Variants in CNTN3 observed in about 807,000 individuals in gnomAD.
CNTN3 encodes contactin 3, also known as contactin-3.
Under a neutral mutation model 119.1 loss-of-function variants are expected in CNTN3, and 60 were observed. That is an observed-to-expected ratio of 0.50 (90% CI 0.41 to 0.62). The LOEUF (loss-of-function observed/expected upper bound fraction) is 0.62. Ranked by LOEUF, CNTN3 falls within the 20% of genes least tolerant of loss-of-function variation. CNTN3 has a pLI of 0.00. For missense variants in CNTN3, 1,101 were observed against 1,242.4 expected (o/e 0.89, Z 1.71); for synonymous variants, 450 against 438.7 (o/e 1.03, Z -0.32).
At chr3:74,444,558 A>AT (rs10718040) in intron 4 of CNTN3, among the ~76,000 whole-genome samples, 97 of 151,332 alleles carry the variant, frequency 6.4e-4, no homozygotes, top group Non-Finnish European at 1.0e-3. Flanking sequence ...TCATGACATA[A>AT]TTTTTTTTTA....
chr3:74,290,504 C>T (rs150855575), intron 19 of CNTN3, among the ~76,000 whole-genome samples: 89 of 152,296 alleles, frequency 5.8e-4, no homozygotes, highest in African/African-American at 2.1e-3. Context: ...ACTGCTAGCA[C>T]TCTGTTCGGT....
chr3:74,545,280 T>C (rs1703898515), intron 1 of CNTN3, among the ~76,000 whole-genome samples: 1 of 152,220 alleles, frequency 6.6e-6, no homozygotes, highest in African/African-American at 2.4e-5. Context: ...CAATCTCTGG[T>C]GGGATGCCAA....
intron 4 of CNTN3, among the ~76,000 whole-genome samples, chr3:74,480,910 A>G (rs1049030084): frequency 4.6e-5 from 7 of 151,962 alleles, no homozygotes; most frequent in Non-Finnish European, 7.4e-5. Context: ...AGTAGGATGT[A>G]TAACATCCAG....
intron 5 of CNTN3, among the ~76,000 whole-genome samples, chr3:74,371,912 G>T (rs1251233440): frequency 6.6e-6 from 1 of 151,934 alleles, no homozygotes; most frequent in East Asian, 1.9e-4. Context: ...CTGCTTCTGG[G>T]GCCTACAACT....
chr3:74,274,992 T>C (rs943339934), intron 20 of CNTN3, among the ~76,000 whole-genome samples: 1 of 152,036 alleles, frequency 6.6e-6, no homozygotes, highest in African/African-American at 2.4e-5. Context: ...TGGACACATA[T>C]ATAGAAATGC....
chr3:74,330,413 G>C (rs1024549130), intron 13 of CNTN3, among the ~76,000 whole-genome samples: 6 of 151,706 alleles, frequency 4.0e-5, no homozygotes, highest in Non-Finnish European at 8.8e-5. Context: ...TAATATTACA[G>C]CACAATGCCT....
At chr3:74,515,669 G>A (rs1206299602) in intron 2 of CNTN3, among the ~76,000 whole-genome samples, 1 of 152,016 alleles carries the variant, frequency 6.6e-6, no homozygotes, top group African/African-American at 2.4e-5. Context: ...TATCTACACT[G>A]TGAATGAAAT....
chr3:74,269,061 C>CA (rs1184956646), intron 20 of CNTN3, among the ~76,000 whole-genome samples: 46 of 134,710 alleles, frequency 3.4e-4, no homozygotes, highest in Admixed American at 1.4e-3. Flanking sequence ...AAAAAAAAAA[C>CA]AAAAAAAAAG....
chr3:74,515,340 T>G (rs1267589930), intron 2 of CNTN3, among the ~76,000 whole-genome samples: 2 of 152,074 alleles, frequency 1.3e-5, no homozygotes, highest in African/African-American at 4.8e-5. Flanking sequence ...ATTACTTGTA[T>G]GCAAGCTTCA....
chr3:74,315,097 T>G (rs1474114542), intron 13 of CNTN3, among the ~76,000 whole-genome samples: 1 of 152,172 alleles, frequency 6.6e-6, no homozygotes, highest in Non-Finnish European at 1.5e-5. Context: ...TATACCCTAA[T>G]TATAATGCAT....
chr3:74,570,923 A>G (rs1173573798), intron 1 of CNTN3, among the ~76,000 whole-genome samples: 1 of 152,202 alleles, frequency 6.6e-6, no homozygotes, highest in Non-Finnish European at 1.5e-5. Context: ...TCAACTCCTA[A>G]GGGGATTTAA....
intron 11 of CNTN3, among the ~76,000 whole-genome samples, chr3:74,348,684 G>T (rs1703749627): frequency 6.6e-6 from 1 of 152,176 alleles, no homozygotes. Flanking sequence ...TGCAGCCACA[G>T]GAGACACACT....
chr3:74,335,842 T>A (rs990381153), intron 12 of CNTN3, among the ~76,000 whole-genome samples: 5 of 152,154 alleles, frequency 3.3e-5, no homozygotes, highest in Non-Finnish European at 5.9e-5. Flanking sequence ...TTCATGTCCA[T>A]GAAATCTTTT....
intron 13 of CNTN3, among the ~76,000 whole-genome samples, chr3:74,321,757 G>C (rs1232522104): frequency 6.6e-6 from 1 of 152,096 alleles, no homozygotes; most frequent in Non-Finnish European, 1.5e-5. Flanking sequence ...AAAAAATTAT[G>C]AACAATGCTA....
At position 74,289,526 on chromosome 3, in the gene CNTN3, A is replaced by G. The variant is rs1702182457; in HGVS notation, c.2518-4035T>C. On this transcript the variant is annotated intron_variant, in intron 19 of 22. Transcript: ENST00000263665. ...TCCCACACTGGGATTGTGCTACATC[A>G]CTATATATTACTTCACTGGTTTGCT... Among the ~76,000 whole-genome samples, 3 of 152,234 alleles carry G rather than the reference A, an allele frequency of 2.0e-5. No individual in the cohort carries two copies. The South Asian group carries it at 6.2e-4, about 32-fold the overall frequency.
intron 2 of CNTN3, among the ~76,000 whole-genome samples, chr3:74,503,307 C>T (rs768084409): frequency 1.1e-4 from 17 of 152,210 alleles, no homozygotes; most frequent in Non-Finnish European, 2.2e-4. Flanking sequence ...GAGTTAATGG[C>T]CTATGAGGCA....
At chr3:74,269,927 G>T (rs1271640862) in intron 20 of CNTN3, among the ~76,000 whole-genome samples, 2 of 152,148 alleles carry the variant, frequency 1.3e-5, no homozygotes, top group African/African-American at 4.8e-5. Context: ...AAGGGTTCTA[G>T]AGATCTATTG....
intron 1 of CNTN3, among the ~76,000 whole-genome samples, chr3:74,612,111 G>A (rs1705093387): frequency 2.0e-5 from 3 of 152,108 alleles, no homozygotes; most frequent in Admixed American, 6.6e-5. Context: ...GAGTTAATGA[G>A]AACTTCAAGT....
intron 4 of CNTN3, among the ~76,000 whole-genome samples, chr3:74,447,347 T>C (rs1342732361): frequency 6.6e-6 from 1 of 152,090 alleles, no homozygotes; most frequent in Non-Finnish European, 1.5e-5. Context: ...CTTCCCACTC[T>C]CCAATTTCCT....
Sources: gnomAD v4.1 joint callset for allele counts (sites outside exome capture counted in the v4.1 genomes callset) on GRCh38, gnomAD v4.1.1 for gene constraint, MANE v1.5 for transcripts, NCBI Gene and HGNC (gene_info 2026-07-23, HGNC 2026-07-21) for gene names.